The following KIAA1217 variants were observed in gnomAD, a reference collection of about 807,000 sequenced individuals.
KIAA1217 encodes the protein sickle tail protein homolog.
A neutral mutation model predicts 163.9 loss-of-function variants in KIAA1217; 88 were observed. That is an observed-to-expected ratio of 0.54 (90% CI 0.45 to 0.64). The LOEUF (loss-of-function observed/expected upper bound fraction) is 0.64, where lower values mean the gene tolerates loss of function less well. KIAA1217 is among the 30% of genes least tolerant of loss of function. The probability of loss-of-function intolerance (pLI) is 0.00; values close to 1 mark genes in which losing one functional copy is unlikely to be tolerated. For missense variants in KIAA1217, 2,372 were observed against 2,475.0 expected (o/e 0.96, Z 0.88); for synonymous variants, 903 against 923.1 (o/e 0.98, Z 0.39).
At chr10:24,346,664 G>A (rs1172276484) in intron 2 of KIAA1217, among the ~76,000 whole-genome samples, 1 of 139,372 alleles carries the variant, frequency 7.2e-6, no homozygotes, top group Non-Finnish European at 1.5e-5. Flanking sequence ...TCCGCCTCCT[G>A]CATTCAAGCG....
rs34102005 is a variant in KIAA1217 at position 24,542,638 on chromosome 10, CT to C, written c.3535-49del. ...AAAGGAACGATTTAGTTATAGTCCA[CT>C]TTTTTGGGGGGATGTGGTTTTGTGG... is the stretch of plus-strand genomic sequence containing the variant. On this transcript the variant is annotated intron_variant, in intron 17 of 20. Coordinates refer to ENST00000376454, the MANE Select transcript of KIAA1217 (RefSeq NM_019590.5). 86 of 1,597,142 alleles carry C rather than the reference CT, an allele frequency of 5.4e-5. No homozygotes were observed. The African/African-American group carries it at 9.5e-4, about 18-fold the overall frequency.
chr10:24,117,050 G>C (rs577044936), intron 2 of KIAA1217, among the ~76,000 whole-genome samples: 1 of 133,098 alleles, frequency 7.5e-6, no homozygotes, highest in Non-Finnish European at 1.6e-5. Flanking sequence ...TTTTTTGGGT[G>C]GGGGGGGATG....
At chr10:24,203,721 A>G (rs562918280) in intron 2 of KIAA1217, among the ~76,000 whole-genome samples, 2 of 152,340 alleles carry the variant, frequency 1.3e-5, no homozygotes, top group Non-Finnish European at 2.9e-5. Context: ...AGGTGCTTGT[A>G]TCTGTAGAAG....
At chr10:24,143,430 C>T (rs1338950970) in intron 2 of KIAA1217, among the ~76,000 whole-genome samples, 1 of 152,082 alleles carries the variant, frequency 6.6e-6, no homozygotes, top group Non-Finnish European at 1.5e-5. Context: ...CCACACCCAG[C>T]TAATTTTTGT....
chr10:24,129,055 A>T (rs933535946), intron 2 of KIAA1217, among the ~76,000 whole-genome samples: 1 of 152,150 alleles, frequency 6.6e-6, no homozygotes, highest in Non-Finnish European at 1.5e-5. Context: ...TTCTCACCTG[A>T]AGTCATATGG....
intron 2 of KIAA1217, among the ~76,000 whole-genome samples, chr10:24,303,420 G>A (rs2041621541): frequency 6.6e-6 from 1 of 152,132 alleles, no homozygotes; most frequent in Non-Finnish European, 1.5e-5. Context: ...CCTGGACAAC[G>A]TAGGGACAAC....
intron 1 of KIAA1217, among the ~76,000 whole-genome samples, chr10:23,886,155 T>C (rs1042174277): frequency 2.0e-5 from 3 of 151,914 alleles, no homozygotes; most frequent in Admixed American, 6.6e-5. Flanking sequence ...TTGGCTCCTG[T>C]CCTTCACAAA....
chr10:23,929,308 T>G (rs1042710905), intron 1 of KIAA1217, among the ~76,000 whole-genome samples: 1 of 152,202 alleles, frequency 6.6e-6, no homozygotes, highest in African/African-American at 2.4e-5. Flanking sequence ...TAATGGATTT[T>G]ATTTTATTTT....
At chr10:24,187,946 C>G (rs1015766441) in intron 2 of KIAA1217, among the ~76,000 whole-genome samples, 1 of 152,034 alleles carries the variant, frequency 6.6e-6, no homozygotes, top group African/African-American at 2.4e-5. Context: ...GCCTGTAATC[C>G]CAGCACTTTG....
chr10:24,266,990 A>G (rs965089130), intron 2 of KIAA1217, among the ~76,000 whole-genome samples: 1 of 152,164 alleles, frequency 6.6e-6, no homozygotes, highest in Admixed American at 6.5e-5. Context: ...CGAACCCACC[A>G]GAAGGAACCA....
At chr10:23,971,167 G>T (rs941413203) in intron 1 of KIAA1217, among the ~76,000 whole-genome samples, 2 of 152,310 alleles carry the variant, frequency 1.3e-5, no homozygotes, top group African/African-American at 4.8e-5. Flanking sequence ...CTTGGGAGGG[G>T]CCGCGTGCAC....
chr10:23,855,525 G>A (rs112363279), intron 1 of KIAA1217, among the ~76,000 whole-genome samples: 8 of 152,064 alleles, frequency 5.3e-5, no homozygotes, highest in African/African-American at 9.7e-5. Context: ...GTATCTTTGC[G>A]GCATTCTCTG....
At chr10:24,363,883 T>A (rs184176833) in intron 2 of KIAA1217, among the ~76,000 whole-genome samples, 63 of 152,114 alleles carry the variant, frequency 4.1e-4, no homozygotes, top group Non-Finnish European at 8.4e-4. Context: ...ATTCTTTTAA[T>A]CTTGATCTAA....
chr10:24,110,926 C>T (rs10828601), intron 2 of KIAA1217, among the ~76,000 whole-genome samples: 29,230 of 152,018 alleles, frequency 0.19, 4,165 homozygotes, highest in African/African-American at 0.4. Flanking sequence ...TTTTCAGTTA[C>T]GACATATTTT....
intron 1 of KIAA1217, among the ~76,000 whole-genome samples, chr10:23,889,709 T>G (rs982234204): frequency 8.4e-6 from 1 of 119,648 alleles, no homozygotes; most frequent in Non-Finnish European, 1.7e-5. Context: ...CTTTTATGGC[T>G]AGTGTTTTCA....
intron 2 of KIAA1217, among the ~76,000 whole-genome samples, chr10:24,224,571 C>G (rs1216644741): frequency 6.6e-6 from 1 of 152,022 alleles, no homozygotes; most frequent in Non-Finnish European, 1.5e-5. Context: ...CTGCGTGCCT[C>G]AGCCTCCCAA....
chr10:24,359,391 C>T (rs1055451073), intron 2 of KIAA1217, among the ~76,000 whole-genome samples: 5 of 152,296 alleles, frequency 3.3e-5, no homozygotes, highest in East Asian at 3.9e-4. Context: ...CCATGCCTGA[C>T]TTAGCTTTCA....
In KIAA1217 at chr10:24,547,712, CA is replaced by C. The variant is rs2075774195; in HGVS notation, c.*1390del. 6.6e-6 allele frequency: 1 copy of C among 152,116 alleles called. No individual in the cohort carries two copies. Among genetic ancestry groups the C allele is most frequent in the African/African-American group, 2.4e-5 (1 of 41,420 alleles). The allele number at this position is 152,116 out of a possible 1,614,324, so 9.4% of individuals were successfully genotyped here. On this transcript the variant is annotated 3_prime_UTR_variant, in exon 21 of 21. Transcript: ENST00000376454. ...GCTCGCTTTCTTCTCTGTGGCTTAT[CA>C]AGGTGTAGATGACAGAAAGCAAACC...
chr10:24,461,598 C>A (rs989640123), intron 5 of KIAA1217, among the ~76,000 whole-genome samples: 1 of 152,102 alleles, frequency 6.6e-6, no homozygotes, highest in Non-Finnish European at 1.5e-5. Flanking sequence ...TCAGGTGATC[C>A]GCCCACCTTG....
Sources: gnomAD v4.1 joint callset for allele counts (sites outside exome capture counted in the v4.1 genomes callset) on GRCh38, gnomAD v4.1.1 for gene constraint, MANE v1.5 for transcripts, NCBI Gene and HGNC (gene_info 2026-07-23, HGNC 2026-07-21) for gene names.